The following GABRA3 variants were observed in gnomAD, a reference collection of about 807,000 sequenced individuals.
GABRA3 encodes the protein gamma-aminobutyric acid receptor subunit alpha-3.
In GABRA3, 10 loss-of-function variants were observed where a neutral mutation model predicts 30.1. That is an observed-to-expected ratio of 0.33 (90% CI 0.20 to 0.56). The LOEUF is 0.56. GABRA3 is among the 20% of genes least tolerant of loss of function. GABRA3 has a pLI of 0.89. For missense variants in GABRA3, 233 were observed against 392.0 expected (o/e 0.59, Z 3.42); for synonymous variants, 151 against 146.8 (o/e 1.03, Z -0.21).
At chrX:152,180,811 T>C (rs1468629507) in intron 9 of GABRA3, among the ~76,000 whole-genome samples, 1 of 112,285 alleles carries the variant, frequency 8.9e-6, no homozygotes, top group African/African-American at 3.2e-5. Flanking sequence ...TTCTTCATTG[T>C]GTGTTCTAGA....
chrX:152,249,148 C>T (rs772449309), intron 5 of GABRA3, among the ~76,000 whole-genome samples: 7 of 110,653 alleles, frequency 6.3e-5, no homozygotes, highest in South Asian at 3.8e-4. Context: ...CTTTGTTCTA[C>T]GGAAATGTTA....
At chrX:152,304,571 C>T (rs997406314) in intron 3 of GABRA3, among the ~76,000 whole-genome samples, 2 of 111,727 alleles carry the variant, frequency 1.8e-5, no homozygotes, top group Admixed American at 9.5e-5. Flanking sequence ...CCCCATTGCT[C>T]ATTTTTATCC....
chrX:152,310,566 A>G (rs895545180), intron 3 of GABRA3, among the ~76,000 whole-genome samples: 3 of 111,814 alleles, frequency 2.7e-5, no homozygotes, highest in Non-Finnish European at 5.7e-5. Context: ...AAGCAGTGTT[A>G]ATAGGAAAGT....
intron 3 of GABRA3, among the ~76,000 whole-genome samples, chrX:152,287,053 G>C (rs941334523): frequency 5.4e-5 from 6 of 111,430 alleles, no homozygotes; most frequent in Admixed American, 3.8e-4. Context: ...CCTACTGTGT[G>C]ACATAATGAC....
At chrX:152,448,869 A>G (rs6526113) in intron 1 of GABRA3, among the ~76,000 whole-genome samples, 27,260 of 110,358 alleles carry the variant, frequency 0.25, 2,583 homozygotes, top group Admixed American at 0.33. Context: ...GTCTTTAGGA[A>G]TATGAAAGCG....
At chrX:152,316,620 T>C (rs997400000) in intron 3 of GABRA3, among the ~76,000 whole-genome samples, 1 of 111,569 alleles carries the variant, frequency 9.0e-6, no homozygotes, top group Admixed American at 9.5e-5. Flanking sequence ...AAGCACCAGG[T>C]AACCTATAAA....
intron 7 of GABRA3, among the ~76,000 whole-genome samples, chrX:152,198,596 A>G (rs2124354995): frequency 8.9e-6 from 1 of 111,815 alleles, no homozygotes; most frequent in South Asian, 3.8e-4. Context: ...TCCCTCTTGT[A>G]ATCACTCTCT....
chrX:152,223,788 G>A (rs1313735638), intron 6 of GABRA3, among the ~76,000 whole-genome samples: 1 of 110,254 alleles, frequency 9.1e-6, no homozygotes, highest in Non-Finnish European at 1.9e-5. Context: ...CCTAGGCATG[G>A]ATGATTCCCC....
chrX:152,241,188 C>T (rs1418431946), intron 5 of GABRA3, among the ~76,000 whole-genome samples: 1 of 97,838 alleles, frequency 1.0e-5, no homozygotes, highest in African/African-American at 3.6e-5. Flanking sequence ...TGTGGATGTC[C>T]TTTCTGTTTG....
chrX:152,227,844 CTGG>C (rs1937994282), intron 5 of GABRA3, among the ~76,000 whole-genome samples: 1 of 111,093 alleles, frequency 9.0e-6, no homozygotes, highest in Admixed American at 9.6e-5. Context: ...CAGTGCAAAT[CTGG>C]TGTTCTTTCT....
At chrX:152,271,105 G>C (rs1294036484) in intron 4 of GABRA3, among the ~76,000 whole-genome samples, 1 of 109,494 alleles carries the variant, frequency 9.1e-6, no homozygotes, top group Non-Finnish European at 1.9e-5. Flanking sequence ...TGAGATTACA[G>C]GCACCTGCTA....
At chrX:152,401,859 T>G (rs919104744) in intron 1 of GABRA3, among the ~76,000 whole-genome samples, 2 of 111,629 alleles carry the variant, frequency 1.8e-5, no homozygotes, top group Non-Finnish European at 1.9e-5. Context: ...TAAGGCCATG[T>G]AGAAACCAGC....
intron 1 of GABRA3, among the ~76,000 whole-genome samples, chrX:152,385,006 T>G (rs1213080987): frequency 8.9e-6 from 1 of 111,767 alleles, no homozygotes; most frequent in African/African-American, 3.2e-5. Context: ...GTTTGCCTCA[T>G]TAATAATCAT....
chrX:152,171,234 G>A (rs1264628705), intron 9 of GABRA3: 2 of 121,242 alleles, frequency 1.6e-5, no homozygotes, highest in Admixed American at 1.9e-4. Flanking sequence ...CTATGACTAA[G>A]TCTCTGAAAC....
chrX:152,210,958 G>A (rs189011066), intron 6 of GABRA3, among the ~76,000 whole-genome samples: 6 of 110,864 alleles, frequency 5.4e-5, no homozygotes, highest in Admixed American at 1.9e-4. Flanking sequence ...GTCATAACAC[G>A]GTCTGCGAAA....
chrX:152,223,082 G>C (rs1937873203), intron 6 of GABRA3, among the ~76,000 whole-genome samples: 1 of 111,448 alleles, frequency 9.0e-6, no homozygotes, highest in African/African-American at 3.3e-5. Context: ...TCATCCACCA[G>C]TATGAGCCCT....
intron 1 of GABRA3, among the ~76,000 whole-genome samples, chrX:152,374,565 T>C (rs959034215): frequency 9.0e-6 from 1 of 110,650 alleles, no homozygotes; most frequent in Non-Finnish European, 1.9e-5. Context: ...TTAGCCAACA[T>C]GGTCTCGATC....
At chrX:152,410,344 T>C (rs1011897827) in intron 1 of GABRA3, among the ~76,000 whole-genome samples, 1 of 111,258 alleles carries the variant, frequency 9.0e-6, no homozygotes, top group African/African-American at 3.3e-5. Flanking sequence ...ATTTATCGTG[T>C]ATTTTTAAAT....
chrX:152,201,382 A>G (rs1223731303), intron 7 of GABRA3, among the ~76,000 whole-genome samples: 1 of 112,165 alleles, frequency 8.9e-6, no homozygotes, highest in Admixed American at 9.5e-5. Flanking sequence ...CACACAATGC[A>G]TATGTATTCA....
Sources: gnomAD v4.1 joint callset for allele counts (sites outside exome capture counted in the v4.1 genomes callset) on GRCh38, gnomAD v4.1.1 for gene constraint, MANE v1.5 for transcripts, NCBI Gene and HGNC (gene_info 2026-07-23, HGNC 2026-07-21) for gene names.